The following TRPC3 variants were observed in gnomAD, a reference collection of about 807,000 sequenced individuals.
TRPC3 encodes the protein transient receptor potential cation channel subfamily C member 3.
Under a neutral mutation model 90.9 loss-of-function variants are expected in TRPC3, and 54 were observed. The ratio of observed to expected loss-of-function variants is 0.59; its 90% CI spans 0.48 to 0.75. TRPC3 has a LOEUF of 0.75. TRPC3 is among the 30% of genes least tolerant of loss of function. The pLI, the probability that TRPC3 is intolerant of heterozygous loss-of-function variation, is 0.00. For synonymous variants in TRPC3, 424 were observed against 450.9 expected (o/e 0.94, Z 0.75); for missense variants, 918 against 1,194.5 (o/e 0.77, Z 3.41).
intron 3 of TRPC3, among the ~76,000 whole-genome samples, chr4:121,917,157 A>G (rs1729348480): frequency 6.6e-6 from 1 of 152,188 alleles, no homozygotes; most frequent in Admixed American, 6.5e-5. Context: ...AGTAGCTGCT[A>G]GTTGCTAAGG....
intron 10 of TRPC3, among the ~76,000 whole-genome samples, chr4:121,895,890 C>T (rs1214239117): frequency 2.6e-5 from 4 of 151,912 alleles, no homozygotes; most frequent in Admixed American, 6.6e-5. Flanking sequence ...AATAAAACTA[C>T]AGGCCAATAT....
chr4:121,942,220 A>T (rs1730342685), intron 1 of TRPC3, among the ~76,000 whole-genome samples: 1 of 152,196 alleles, frequency 6.6e-6, no homozygotes, highest in Non-Finnish European at 1.5e-5. Flanking sequence ...GAATTCCCTG[A>T]TAGTTTCTGT....
chr4:121,884,557 G>A (rs1728046798), intron 10 of TRPC3, among the ~76,000 whole-genome samples: 1 of 152,190 alleles, frequency 6.6e-6, no homozygotes, highest in African/African-American at 2.4e-5. Context: ...CATAGCGAGA[G>A]TAGAAAATAT....
chr4:121,898,588 C>G (rs772989716), intron 10 of TRPC3, among the ~76,000 whole-genome samples: 1 of 152,102 alleles, frequency 6.6e-6, no homozygotes, highest in Admixed American at 6.5e-5. Context: ...AGGTTGGGGA[C>G]CACTGTTCTA....
At chr4:121,911,701 C>A (rs534006132) in intron 5 of TRPC3, among the ~76,000 whole-genome samples, 176 bp downstream of exon 5, 2 of 152,162 alleles carry the variant, frequency 1.3e-5, no homozygotes, top group Non-Finnish European at 2.9e-5. Context: ...TTAAGGGACA[C>A]CTTTTGGCAT....
Position 121,925,257 on chromosome 4 carries a change from G to A in TRPC3, c.988-51C>T, listed in dbSNP as rs775755584. The A allele has an allele frequency of 1.9e-6, 3 of 1,547,180 alleles. No individual in the cohort carries two copies. In the South Asian group the frequency reaches 3.7e-5, roughly 19 times the overall value. ...AACACAAATAATTTGCTTTTATTCA[G>A]TGGAAAGTATTTGGGTGAATTAGAA... On this transcript the variant is annotated intron_variant, in intron 2 of 11. Coordinates refer to ENST00000379645, the MANE Select transcript of TRPC3 (RefSeq NM_001130698.2).
At chr4:121,908,144 T>C (rs1728951416) in intron 6 of TRPC3, among the ~76,000 whole-genome samples, 1 of 152,170 alleles carries the variant, frequency 6.6e-6, no homozygotes, top group Admixed American at 6.6e-5. Context: ...ATTTTGGATA[T>C]AGATTCAGAA....
chr4:121,943,572 A>T (rs961959292), intron 1 of TRPC3, among the ~76,000 whole-genome samples: 2 of 152,148 alleles, frequency 1.3e-5, no homozygotes, highest in Non-Finnish European at 2.9e-5. Flanking sequence ...TTATTATTTC[A>T]GGAAGACTAG....
At chr4:121,945,953 T>C (rs1051795715) in intron 1 of TRPC3, among the ~76,000 whole-genome samples, 8 of 152,064 alleles carry the variant, frequency 5.3e-5, no homozygotes, top group African/African-American at 1.9e-4. Context: ...AAAGAGCTCT[T>C]AGAAATTAAA....
At chr4:121,913,740 C>T (rs190934280) in intron 4 of TRPC3, among the ~76,000 whole-genome samples, 3 of 152,212 alleles carry the variant, frequency 2.0e-5, no homozygotes, top group Admixed American at 6.5e-5. Context: ...TTCCATGATA[C>T]ATAACAAAAG....
At chr4:121,895,947 C>T (rs2149112635) in intron 10 of TRPC3, among the ~76,000 whole-genome samples, 1 of 152,048 alleles carries the variant, frequency 6.6e-6, no homozygotes, top group African/African-American at 2.4e-5. Context: ...TATTAATAAA[C>T]CAAATCCAAA....
At chr4:121,908,547 CA>C (rs999279380) in intron 6 of TRPC3, among the ~76,000 whole-genome samples, 1 of 151,938 alleles carries the variant, frequency 6.6e-6, no homozygotes, top group African/African-American at 2.4e-5. Flanking sequence ...TATGCAGCCA[CA>C]AAAAAGAACA....
Position 121,878,320 on chromosome 4 carries a change from G to A in TRPC3, c.*1416C>T, listed in dbSNP as rs376104616. Among the ~76,000 whole-genome samples the A allele has an allele frequency of 1.6e-4, 24 of 152,136 alleles. 1 individual carries two copies. The highest frequency in any genetic ancestry group is 5.8e-4 in the African/African-American group (24 of 41,438). Reference sequence around the variant, plus strand: ...ATTTAACACTTATTTCTGTCTTCATGTCTAAAGAGCTTTTCTGCATGATAG... The same window carrying A: ...ATTTAACACTTATTTCTGTCTTCATATCTAAAGAGCTTTTCTGCATGATAG... On this transcript the variant is annotated 3_prime_UTR_variant, in exon 12 of 12. Coordinates refer to ENST00000379645, the MANE Select transcript of TRPC3 (RefSeq NM_001130698.2).
At chr4:121,918,979 T>C (rs1394157412) in intron 3 of TRPC3, among the ~76,000 whole-genome samples, 1 of 152,222 alleles carries the variant, frequency 6.6e-6, no homozygotes, top group Non-Finnish European at 1.5e-5. Context: ...TATGCCCAAC[T>C]GGATAACATT....
chr4:121,938,967 C>T (rs533064018), intron 1 of TRPC3, among the ~76,000 whole-genome samples: 7 of 152,210 alleles, frequency 4.6e-5, no homozygotes, highest in South Asian at 2.1e-4. Context: ...GCCTAGCCAA[C>T]CTTCCTTCCC....
intron 8 of TRPC3, 46 bp downstream of exon 8, chr4:121,904,276 G>A (rs1178640067): frequency 6.5e-7 from 1 of 1,539,706 alleles, no homozygotes; most frequent in Non-Finnish European, 8.8e-7. Context: ...TGTACTATCA[G>A]AATAGGATGA....
At chr4:121,920,173 T>C (rs1360176766) in intron 3 of TRPC3, among the ~76,000 whole-genome samples, 1 of 152,232 alleles carries the variant, frequency 6.6e-6, no homozygotes, top group East Asian at 1.9e-4. Context: ...TTTCTATAAA[T>C]AGTAATAGTG....
chr4:121,893,604 G>A (rs1728407974), intron 10 of TRPC3, among the ~76,000 whole-genome samples: 1 of 152,068 alleles, frequency 6.6e-6, no homozygotes, highest in Non-Finnish European at 1.5e-5. Flanking sequence ...ATCTTTCCAA[G>A]TAGGACACAA....
At chr4:121,936,065 A>G (rs1307421656) in intron 1 of TRPC3, among the ~76,000 whole-genome samples, 1 of 152,226 alleles carries the variant, frequency 6.6e-6, no homozygotes, top group Non-Finnish European at 1.5e-5. Context: ...GAAGTGAGAT[A>G]TCTCAATTAG....
Sources: allele counts gnomAD v4.1 joint callset (sites outside exome capture counted in the v4.1 genomes callset), GRCh38; gene constraint gnomAD v4.1.1; transcripts MANE v1.5; gene names NCBI Gene and HGNC (gene_info 2026-07-23, HGNC 2026-07-21).